Variants in FERRY3 observed in about 807,000 individuals in gnomAD.
FERRY3 encodes protein C12orf4.
chr12:4,518,651 G>A, the FERRY3 span: 31 of 623,358 alleles, frequency 5.0e-5, no homozygotes, highest in South Asian at 6.0e-4. Context: ...TGAGCCCAGG[G>A]GTTCAAGACC....
the FERRY3 span, chr12:4,534,116 C>T: frequency 1.3e-6 from 2 of 1,512,344 alleles, no homozygotes; most frequent in Non-Finnish European, 1.8e-6. Flanking sequence ...CACCAAAATC[C>T]AGAATATCCT....
the FERRY3 span, among the ~76,000 whole-genome samples, chr12:4,515,335 T>C: frequency 6.6e-6 from 1 of 152,242 alleles, no homozygotes; most frequent in African/African-American, 2.4e-5. Context: ...TTAGTGTATA[T>C]ATCCGAAGGA....
chr12:4,509,618 G>A, the FERRY3 span, among the ~76,000 whole-genome samples: 1 of 143,514 alleles, frequency 7.0e-6, no homozygotes, highest in South Asian at 2.1e-4. Context: ...TAACTGGGAG[G>A]CACCCCCCGG....
At chr12:4,532,191 A>G in the FERRY3 span, among the ~76,000 whole-genome samples, 1 of 151,730 alleles carries the variant, frequency 6.6e-6, no homozygotes, top group Non-Finnish European at 1.5e-5. Flanking sequence ...GGAAGCCAAA[A>G]GATTGGACAC....
chr12:4,535,847 ACACT>A, the FERRY3 span, among the ~76,000 whole-genome samples: 4 of 152,202 alleles, frequency 2.6e-5, no homozygotes, highest in Admixed American at 1.3e-4. The surrounding 1 kb of genome is among the most constrained non-coding windows in gnomAD (Gnocchi z 4.0). Context: ...ATAGGAAAAA[ACACT>A]CAATAAAAGA....
the FERRY3 span, chr12:4,505,251 T>C: frequency 1.0e-5 from 12 of 1,153,136 alleles, no homozygotes; most frequent in Non-Finnish European, 1.5e-5. Flanking sequence ...GTGTGCATTA[T>C]AAAACATCTT....
the FERRY3 span, among the ~76,000 whole-genome samples, chr12:4,522,110 C>T: frequency 6.6e-6 from 1 of 152,102 alleles, no homozygotes; most frequent in Non-Finnish European, 1.5e-5. Context: ...ACAAAGGTAC[C>T]ATCTTGCTGG....
the FERRY3 span, among the ~76,000 whole-genome samples, chr12:4,524,773 T>C: frequency 3.9e-5 from 6 of 152,316 alleles, no homozygotes; most frequent in East Asian, 3.9e-4. Flanking sequence ...CCATACAAGT[T>C]ATAATTTATG....
chr12:4,490,095 T>G, the FERRY3 span, among the ~76,000 whole-genome samples: 2 of 152,154 alleles, frequency 1.3e-5, no homozygotes, highest in Non-Finnish European at 2.9e-5. Flanking sequence ...TTCTGAGAAC[T>G]TATGTCATTT....
the FERRY3 span, chr12:4,525,326 T>C: frequency 6.2e-7 from 1 of 1,613,538 alleles, no homozygotes. Flanking sequence ...CTCTTGTTTT[T>C]GGATGGCAGT....
At chr12:4,511,331 C>T in the FERRY3 span, among the ~76,000 whole-genome samples, 38 of 150,660 alleles carry the variant, frequency 2.5e-4, no homozygotes, top group African/African-American at 7.2e-4. Context: ...GACAGATCAA[C>T]GAGACAGAAA....
At chr12:4,518,730 G>T in the FERRY3 span, 6 of 1,063,204 alleles carry the variant, frequency 5.6e-6, no homozygotes, top group Admixed American at 1.4e-4. Context: ...AATAGTTTCA[G>T]AAGTTACAAT....
At chr12:4,498,088 G>T in the FERRY3 span, among the ~76,000 whole-genome samples, 17 of 152,306 alleles carry the variant, frequency 1.1e-4, no homozygotes, top group South Asian at 3.5e-3. Context: ...CAAACTTAAT[G>T]TTCTGCAGCT....
At chr12:4,524,045 T>A in the FERRY3 span, among the ~76,000 whole-genome samples, 1 of 152,014 alleles carries the variant, frequency 6.6e-6, no homozygotes, top group South Asian at 2.1e-4. Context: ...TTTTTTTTTT[T>A]AAGAGTTTCT....
At chr12:4,502,002 T>C in the FERRY3 span, among the ~76,000 whole-genome samples, 1 of 152,214 alleles carries the variant, frequency 6.6e-6, no homozygotes, top group African/African-American at 2.4e-5. This position sits in a 1 kb window ranked among gnomAD's most constrained non-coding sequence, Gnocchi z 4.2. Context: ...TCTTCAAACA[T>C]GCAGAGCTTG....
At chr12:4,518,181 T>C in the FERRY3 span, 1 of 1,614,162 alleles carries the variant, frequency 6.2e-7, no homozygotes, top group South Asian at 1.1e-5. Context: ...CTTCGATGAT[T>C]TCTTTTATGC....
At chr12:4,532,089 T>TC in the FERRY3 span, among the ~76,000 whole-genome samples, 1 of 150,954 alleles carries the variant, frequency 6.6e-6, no homozygotes, top group Non-Finnish European at 1.5e-5. Context: ...TTGTGAATTT[T>TC]TTTTTTTTTT....
At chr12:4,530,182 G>T in the FERRY3 span, 1 of 720,366 alleles carries the variant, frequency 1.4e-6, no homozygotes, top group East Asian at 3.1e-5. Context: ...ATATGTGTGT[G>T]TAAATATATG....
At chr12:4,489,729 T>C in the FERRY3 span, 22 of 1,053,550 alleles carry the variant, frequency 2.1e-5, no homozygotes, top group East Asian at 5.1e-4. Context: ...CATCTTTTGC[T>C]TGACAGATTC....
Sources: gnomAD v4.1 joint callset for allele counts (sites outside exome capture counted in the v4.1 genomes callset) on GRCh38, gnomAD v4.1.1 for gene constraint, Gnocchi (gnomAD v3.1) non-coding constraint, MANE v1.5 for transcripts, NCBI Gene and HGNC (gene_info 2026-07-23, HGNC 2026-07-21) for gene names.